CCDC14: variants seen among roughly 807,000 people sequenced by gnomAD.
The protein encoded by CCDC14 is coiled-coil domain containing 14, also known as coiled-coil domain-containing protein 14.
Under a neutral mutation model 81.4 loss-of-function variants are expected in CCDC14, and 71 were observed. That is an observed-to-expected ratio of 0.87 (90% confidence interval 0.72 to 1.06). CCDC14 has a LOEUF of 1.06. Ranked by LOEUF, CCDC14 falls within the 50% of genes least tolerant of loss-of-function variation. CCDC14 has a pLI of 0.00. For missense variants in CCDC14, 1,046 were observed against 1,047.3 expected, an observed-to-expected ratio of 1.00 and a Z score of 0.02; for synonymous variants, 332 against 364.8, an observed-to-expected ratio of 0.91 and a Z score of 1.03.
intron 9 of CCDC14, among the ~76,000 whole-genome samples, chr3:123,944,327 G>A (rs950450795): frequency 6.6e-6 from 1 of 152,106 alleles, no homozygotes; most frequent in African/African-American, 2.4e-5. Context: ...TAAAATATAA[G>A]TGGTAGCGAA....
intron 9 of CCDC14, among the ~76,000 whole-genome samples, chr3:123,942,724 C>T (rs563158941): frequency 2.6e-5 from 4 of 152,160 alleles, no homozygotes; most frequent in Non-Finnish European, 4.4e-5. Context: ...CTGATATGTA[C>T]TCCAATATTT....
At chr3:123,935,375 T>TA (rs1212358143) in intron 9 of CCDC14, among the ~76,000 whole-genome samples, 1 of 152,212 alleles carries the variant, frequency 6.6e-6, no homozygotes. Flanking sequence ...AAAATGTTCA[T>TA]AATCTCTGAC....
chr3:123,903,067 T>G (rs1029318979), intron 5 of CCDC14, among the ~76,000 whole-genome samples: 13 of 152,166 alleles, frequency 8.5e-5, no homozygotes, highest in African/African-American at 3.1e-4. Flanking sequence ...GAACATGCGG[T>G]GTTTGGTTTT....
intron 5 of CCDC14, among the ~76,000 whole-genome samples, chr3:123,903,445 C>T (rs1444778990): frequency 6.6e-6 from 1 of 151,952 alleles, no homozygotes. Flanking sequence ...CTTTAGAAGG[C>T]AATTTGGCAA....
intron 5 of CCDC14, among the ~76,000 whole-genome samples, chr3:123,902,539 A>T (rs2034198318): frequency 6.6e-6 from 1 of 152,236 alleles, no homozygotes; most frequent in South Asian, 2.1e-4. Context: ...AAAATCTTCC[A>T]CCAAAACATA....
chr3:123,901,897 C>T (rs2034186294), intron 5 of CCDC14, among the ~76,000 whole-genome samples: 2 of 151,998 alleles, frequency 1.3e-5, no homozygotes, highest in Non-Finnish European at 2.9e-5. Flanking sequence ...AAAGGCCCAA[C>T]AAACATATGA....
Position 123,915,255 on chromosome 3 carries a change from T to A in CCDC14, c.2242A>T (p.Arg748Ter). Reference protein sequence around the residue: ...TPEKKSPLSKRLSPQPQIRAA... With the variant: ...TPEKKSPLSK ...CTTATTTGTGGCTGAGGGGATAGTCTCTTAGAAAGTGGTGATTTCTTTTCA... is the reference window on the plus strand; with the variant it reads ...CTTATTTGTGGCTGAGGGGATAGTCACTTAGAAAGTGGTGATTTCTTTTCA... The change falls in exon 13 of 13, where the codon AGA (arginine) becomes TGA (stop). Residue 748 changes from arginine to a stop codon, truncating the protein, a stop_gained. Transcript: ENST00000409697. LOFTEE classifies it low-confidence loss of function (END_TRUNC). 6.2e-7 allele frequency: 1 copy of A among 1,613,930 alleles called. No individual in the cohort carries two copies. The highest frequency in any genetic ancestry group is 8.5e-7 in the Non-Finnish European group (1 of 1,179,880).
chr3:123,919,752 G>GA (rs2034931833), intron 12 of CCDC14, among the ~76,000 whole-genome samples: 1 of 152,188 alleles, frequency 6.6e-6, no homozygotes, highest in African/African-American at 2.4e-5. Flanking sequence ...ACTAAATAGT[G>GA]AAGGTCTATC....
intron 1 of CCDC14, among the ~76,000 whole-genome samples, chr3:123,959,704 C>G (rs1224402644): frequency 6.6e-6 from 1 of 152,104 alleles, no homozygotes; most frequent in Non-Finnish European, 1.5e-5. Context: ...AGCCATGACT[C>G]CTTAGTGGAC....
At chr3:123,910,821 T>C (rs2034427892), downstream of CCDC14, among the ~76,000 whole-genome samples, 1 of 152,186 alleles carries the variant, frequency 6.6e-6, no homozygotes, top group Non-Finnish European at 1.5e-5. Context: ...TGCAGAGATT[T>C]AGTTAGGTCC....
chr3:123,933,816 G>T, intron 9 of CCDC14, 61 bp from the exon 10 acceptor site: 1 of 1,064,950 alleles, frequency 9.4e-7, no homozygotes, highest in Non-Finnish European at 1.4e-6. Context: ...TAGTATACAT[G>T]TGATAGCCTA....
chr3:123,931,110 TTC>T lies in CCDC14; in HGVS notation c.1768_1769del (p.Glu590IlefsTer8). ...AAGGAAGTCAATTTTACCTGGTTAA[TTC>T]TCTTAGTCGAGTCACCTCAGCATCA... ...QRDAEVTRLR[E>X]LTRTLQTSMA... On this transcript the variant is annotated frameshift_variant, in exon 12 of 13. Coordinates refer to ENST00000409697, the MANE Select transcript of CCDC14 (RefSeq NM_001366335.1). LOFTEE classifies it low-confidence loss of function (END_TRUNC). 4 of 1,578,152 alleles carry T rather than the reference TTC, an allele frequency of 2.5e-6. No homozygotes were observed. The highest frequency in any genetic ancestry group is 3.4e-6 in the Non-Finnish European group (4 of 1,170,880).
At chr3:123,908,579 C>T (rs1043431706), downstream of CCDC14, among the ~76,000 whole-genome samples, 3 of 152,118 alleles carry the variant, frequency 2.0e-5, no homozygotes, top group African/African-American at 7.2e-5. Context: ...TATACCATGG[C>T]ATTTCCTCAA....
intron 5 of CCDC14, chr3:123,949,340 A>T: frequency 1.8e-6 from 1 of 556,402 alleles, no homozygotes; most frequent in South Asian, 2.4e-5. Context: ...GTCAAAAATC[A>T]TCTATACTAA....
At chr3:123,933,518 G>A in intron 10 of CCDC14, 155 bp downstream of exon 10, 1 of 590,702 alleles carries the variant, frequency 1.7e-6, no homozygotes, top group South Asian at 2.2e-5. Flanking sequence ...ACAAAAAAAG[G>A]TGTATATTAT....
At chr3:123,909,202 T>C (rs979231249), downstream of CCDC14, among the ~76,000 whole-genome samples, 10 of 152,264 alleles carry the variant, frequency 6.6e-5, no homozygotes, top group African/African-American at 2.4e-4. Flanking sequence ...GATGAAAATA[T>C]GTACCTTGGC....
At chr3:123,907,541 C>T (rs1447240587) in intron 5 of CCDC14, among the ~76,000 whole-genome samples, 1 of 149,092 alleles carries the variant, frequency 6.7e-6, no homozygotes, top group Non-Finnish European at 1.5e-5. Flanking sequence ...AACCCTGTCT[C>T]CACACAAAAA....
chr3:123,895,043 T>C (rs1260419844), downstream of CCDC14, among the ~76,000 whole-genome samples: 3 of 152,192 alleles, frequency 2.0e-5, no homozygotes, highest in African/African-American at 7.2e-5. Context: ...CAAAATAAAT[T>C]TCCTTCAGTG....
chr3:123,889,383 G>A, the CCDC14 span, among the ~76,000 whole-genome samples: 13 of 152,180 alleles, frequency 8.5e-5, no homozygotes, highest in Non-Finnish European at 1.9e-4. Context: ...CTGCACTCCT[G>A]TCTGGGCAAC....
Sources: gnomAD v4.1 joint callset for allele counts (sites outside exome capture counted in the v4.1 genomes callset) on GRCh38, gnomAD v4.1.1 for gene constraint, MANE v1.5 for transcripts, NCBI Gene and HGNC (gene_info 2026-07-23, HGNC 2026-07-21) for gene names.